Variants in ADGRG7 observed in about 807,000 individuals in gnomAD.
ADGRG7 encodes the protein G-protein coupled receptor 128.
ADGRG7 carries 82 observed loss-of-function variants against 88.6 expected under a neutral mutation model. That is an observed-to-expected ratio of 0.93 (90% CI 0.77 to 1.11). The LOEUF (loss-of-function observed/expected upper bound fraction) is 1.11, where lower values mean the gene tolerates loss of function less well. ADGRG7 is among the 50% of genes most tolerant of loss of function. The probability of loss-of-function intolerance (pLI) is 0.00; values close to 1 mark genes in which losing one functional copy is unlikely to be tolerated. For missense variants in ADGRG7, 945 were observed against 953.4 expected, an observed-to-expected ratio of 0.99 and a Z score of 0.12; for synonymous variants, 381 against 345.2, an observed-to-expected ratio of 1.10 and a Z score of -1.15.
At chr3:100,634,344 C>A (rs1437651706) in intron 4 of ADGRG7, among the ~76,000 whole-genome samples, 4 of 152,086 alleles carry the variant, frequency 2.6e-5, no homozygotes. Flanking sequence ...ATAATTATAG[C>A]CAATAACACT....
At chr3:100,634,289 T>A (rs1707500470) in intron 4 of ADGRG7, among the ~76,000 whole-genome samples, 2 of 152,228 alleles carry the variant, frequency 1.3e-5, no homozygotes, top group African/African-American at 4.8e-5. Flanking sequence ...TCACATTTAA[T>A]CCTTATAAAA....
Position 100,694,995 on chromosome 3 carries a change from C to A in ADGRG7, c.2388C>A (p.Ser796Arg), listed in dbSNP as rs757360016. The change falls in exon 16 of 16, where the codon AGC (serine) becomes AGA (arginine). Residue 796 changes from serine to arginine, a missense_variant. By Grantham distance (110) the Ser-to-Arg change is moderately radical. Transcript: ENST00000273352. ...TLSESDNAKE[S>R]I is the part of the protein sequence containing the mutation. ...CTGAAAGTGACAATGCAAAGGAAAG[C>A]ATCTAGACAGTAAAACTTACCTGTT... The A allele has an allele frequency of 1.2e-6, 2 of 1,613,202 alleles. No individual in the cohort carries two copies. The highest frequency in any genetic ancestry group is 8.5e-7 in the Non-Finnish European group (1 of 1,179,468).
chr3:100,659,418 C>T (rs145500965), intron 13 of ADGRG7, among the ~76,000 whole-genome samples: 2,620 of 119,270 alleles, frequency 0.022, 65 homozygotes, highest in African/African-American at 0.079. Flanking sequence ...CCAGCCTGGG[C>T]GACAGAGCAA....
intron 15 of ADGRG7, among the ~76,000 whole-genome samples, chr3:100,672,464 G>A (rs929958774): frequency 8.5e-5 from 13 of 152,200 alleles, no homozygotes; most frequent in Non-Finnish European, 1.8e-4. Flanking sequence ...GGGCTGAGAC[G>A]ATGGGGTTTT....
chr3:100,640,159 A>G (rs770000631), intron 6 of ADGRG7, among the ~76,000 whole-genome samples: 3 of 152,186 alleles, frequency 2.0e-5, no homozygotes, highest in Non-Finnish European at 4.4e-5. Context: ...TGAGCTTCCA[A>G]CAGAGGTCAT....
intron 6 of ADGRG7, among the ~76,000 whole-genome samples, chr3:100,639,010 CTGTGTGTGTGTGTGTGTGTGTGTGTGTG>C (rs56088926): frequency 2.7e-5 from 4 of 147,140 alleles, no homozygotes; most frequent in South Asian, 2.2e-4. Context: ...CCCTCTGTTT[CTGTGTGTGTGTGTGTGTGTGTGTGTGTG>C]TGTGTGTGTG....
intron 1 of ADGRG7, among the ~76,000 whole-genome samples, chr3:100,611,003 C>G (rs1429202501): frequency 6.6e-6 from 1 of 152,042 alleles, no homozygotes; most frequent in Non-Finnish European, 1.5e-5. Context: ...ACCCCACCGC[C>G]CTAACCAGTA....
chr3:100,668,744 A>G (rs2149034690), intron 14 of ADGRG7, among the ~76,000 whole-genome samples: 1 of 152,340 alleles, frequency 6.6e-6, no homozygotes, highest in Non-Finnish European at 1.5e-5. Flanking sequence ...ACAAGTATCA[A>G]TGTATTCAAA....
chr3:100,689,063 G>T (rs1330999571), intron 15 of ADGRG7, among the ~76,000 whole-genome samples: 1 of 152,190 alleles, frequency 6.6e-6, no homozygotes, highest in African/African-American at 2.4e-5. Context: ...GGGTGCTCCT[G>T]TATTGGGTGC....
In ADGRG7 at chr3:100,685,354, T is replaced by A. The variant is rs58285457; in HGVS notation, c.2137-9390T>A. ...TGAGAAGGAACTAAAATTCTTGTAT[T>A]TTTCCCCATTCTTTTTTTTTAAATT... On this transcript the variant is annotated intron_variant, in intron 15 of 15. Coordinates refer to ENST00000273352, the MANE Select transcript of ADGRG7 (RefSeq NM_032787.3). Among the ~76,000 whole-genome samples, 724 of 152,240 alleles carry A rather than the reference T, an allele frequency of 4.8e-3. 6 individuals carry two copies. Among genetic ancestry groups the A allele is most frequent in the African/African-American group, 0.017 (693 of 41,542 alleles).
chr3:100,636,207 C>A (rs1410297362), intron 5 of ADGRG7, among the ~76,000 whole-genome samples: 1 of 152,138 alleles, frequency 6.6e-6, no homozygotes, highest in Non-Finnish European at 1.5e-5. Context: ...GGACTACAGG[C>A]ACACACCACC....
chr3:100,666,710 G>A (rs1215146049), intron 14 of ADGRG7, among the ~76,000 whole-genome samples: 1 of 152,070 alleles, frequency 6.6e-6, no homozygotes, highest in Non-Finnish European at 1.5e-5. Flanking sequence ...GCTGGGGGAC[G>A]GTCAGGTCTT....
intron 12 of ADGRG7, among the ~76,000 whole-genome samples, chr3:100,655,653 G>T (rs942521976): frequency 1.3e-5 from 2 of 152,130 alleles, no homozygotes; most frequent in African/African-American, 2.4e-5. Context: ...GACAATTCTG[G>T]TAAGAGTTAC....
At chr3:100,640,630 T>C (rs1707625859) in intron 6 of ADGRG7, among the ~76,000 whole-genome samples, 1 of 152,128 alleles carries the variant, frequency 6.6e-6, no homozygotes, top group South Asian at 2.1e-4. Flanking sequence ...CAAGCAATTC[T>C]CCTGTCTCAG....
intron 15 of ADGRG7, among the ~76,000 whole-genome samples, chr3:100,685,761 ATC>A (rs1235910716): frequency 2.8e-4 from 42 of 152,146 alleles, no homozygotes; most frequent in African/African-American, 1.0e-3. Flanking sequence ...CATTTTCTTC[ATC>A]CAGTCTATCA....
At chr3:100,672,749 G>T (rs2094960320) in intron 15 of ADGRG7, among the ~76,000 whole-genome samples, 1 of 152,096 alleles carries the variant, frequency 6.6e-6, no homozygotes, top group South Asian at 2.1e-4. Flanking sequence ...CTAGTTTATT[G>T]AGAAGTTTTA....
At chr3:100,616,257 T>A (rs188765807) in intron 1 of ADGRG7, among the ~76,000 whole-genome samples, 234 of 152,228 alleles carry the variant, frequency 1.5e-3, no homozygotes, top group African/African-American at 5.1e-3. Flanking sequence ...CAAAATTACA[T>A]GCGAACCATG....
At chr3:100,624,317 T>C (rs1707352907) in intron 1 of ADGRG7, among the ~76,000 whole-genome samples, 1 of 152,226 alleles carries the variant, frequency 6.6e-6, no homozygotes, top group Non-Finnish European at 1.5e-5. Context: ...TTTCATATGT[T>C]TGTTGGCTGC....
At chr3:100,618,330 T>C (rs969731147) in intron 1 of ADGRG7, among the ~76,000 whole-genome samples, 1 of 152,196 alleles carries the variant, frequency 6.6e-6, no homozygotes, top group Non-Finnish European at 1.5e-5. Context: ...GGTTTTCTTC[T>C]AGGGTTTTTA....
Sources: gnomAD v4.1 joint callset for allele counts (sites outside exome capture counted in the v4.1 genomes callset) on GRCh38, gnomAD v4.1.1 for gene constraint, MANE v1.5 for transcripts, NCBI Gene and HGNC (gene_info 2026-07-23, HGNC 2026-07-21) for gene names.